The following SORCS1 variants were observed in gnomAD, a reference collection of about 807,000 sequenced individuals.
The protein encoded by SORCS1 is sortilin related VPS10 domain containing receptor 1.
In SORCS1, 60 loss-of-function variants were observed where a neutral mutation model predicts 146.1. The observed-to-expected ratio is 0.41, with a 90% CI of 0.33 to 0.51. SORCS1 has a LOEUF of 0.51. SORCS1 is among the 20% of genes least tolerant of loss of function. The probability of loss-of-function intolerance (pLI) is 0.21; values close to 1 mark genes in which losing one functional copy is unlikely to be tolerated. For synonymous variants in SORCS1, 637 were observed against 584.0 expected, an observed-to-expected ratio of 1.09 and a Z score of -1.31; for missense variants, 1,352 against 1,487.6, an observed-to-expected ratio of 0.91 and a Z score of 1.50.
chr10:106,780,214 A>G (rs114113413), intron 3 of SORCS1, among the ~76,000 whole-genome samples: 1 of 152,224 alleles, frequency 6.6e-6, no homozygotes, highest in South Asian at 2.1e-4. Flanking sequence ...CTGCTCAGAA[A>G]TATTTTCAAA....
At chr10:107,090,888 T>C (rs1442599630) in intron 1 of SORCS1, among the ~76,000 whole-genome samples, 2 of 151,716 alleles carry the variant, frequency 1.3e-5, no homozygotes, top group Non-Finnish European at 2.9e-5. Context: ...TAGAATTGAT[T>C]GTCCAATACA....
At chr10:106,994,910 C>A (rs1164454836) in intron 1 of SORCS1, among the ~76,000 whole-genome samples, 2 of 152,150 alleles carry the variant, frequency 1.3e-5, no homozygotes. Context: ...TGAATCTATC[C>A]GTTTCCTCAT....
At chr10:106,691,769 T>TTCTC (rs1166281718) in intron 9 of SORCS1, among the ~76,000 whole-genome samples, 1 of 152,162 alleles carries the variant, frequency 6.6e-6, no homozygotes, top group East Asian at 1.9e-4. Flanking sequence ...ATCCCAACAC[T>TTCTC]TCTCTGTTCT....
At chr10:106,777,496 G>C (rs1564646445) in intron 3 of SORCS1, among the ~76,000 whole-genome samples, 1 of 152,182 alleles carries the variant, frequency 6.6e-6, no homozygotes, top group Non-Finnish European at 1.5e-5. Context: ...CTGAGATATG[G>C]ATGGAAGCTT....
intron 4 of SORCS1, among the ~76,000 whole-genome samples, chr10:106,773,192 C>A (rs1860159805): frequency 6.6e-6 from 1 of 152,192 alleles, no homozygotes; most frequent in Non-Finnish European, 1.5e-5. Flanking sequence ...GTGACATTAG[C>A]AGCTGTCACA....
intron 2 of SORCS1, among the ~76,000 whole-genome samples, chr10:106,910,783 C>T (rs1355151045): frequency 6.6e-6 from 1 of 152,156 alleles, no homozygotes; most frequent in African/African-American, 2.4e-5. Flanking sequence ...GACCATGGCA[C>T]GTGCTATTGT....
In SORCS1 at chr10:106,667,596, C is replaced by A. The variant is rs1851261618; in HGVS notation, c.2303+93G>T. 9 of 822,724 alleles carry A rather than the reference C, an allele frequency of 1.1e-5. No individual in the cohort carries two copies. In the East Asian group the frequency reaches 2.4e-4, roughly 21 times the overall value. The allele number at this position is 822,724 out of a possible 1,614,324, so 51.0% of individuals were successfully genotyped here. ...TTACATTGTGCTGTAAGGAAATATG[C>A]TTGGTCCTTGATCAGAAGTAATTCT... On this transcript the variant is annotated intron_variant, in intron 17 of 25. Transcript: ENST00000263054.
chr10:106,912,405 C>G (rs1952211080), intron 2 of SORCS1, among the ~76,000 whole-genome samples: 1 of 152,044 alleles, frequency 6.6e-6, no homozygotes, highest in African/African-American at 2.4e-5. Context: ...ATGGGAAGAT[C>G]TTGTTAAAGT....
In SORCS1 at chr10:107,164,099, C is replaced by T. The variant is rs776466208; in HGVS notation, c.428G>A (p.Arg143Gln). The T allele has an allele frequency of 3.3e-5, 53 of 1,613,790 alleles. 2 individuals are homozygous for T. In the South Asian group the frequency reaches 5.7e-4, roughly 17 times the overall value. The stretch of plus-strand genomic sequence containing the variant: ...GGTGGCTTTGTCCGGGTCCCGCTCC[C>T]GAGTCCCAGGCTCCTGCTGCCCTCC... Reference protein sequence around the residue: ...RDGGQQEPGTRERDPDKATRF... With the variant: ...RDGGQQEPGTQERDPDKATRF... The change falls in exon 1 of 26, where the codon CGG becomes CAG. Residue 143 changes from arginine to glutamine, a missense_variant. Around this residue, in one of 3 missense-constraint regions of SORCS1, gnomAD observed 490 missense variants for 489.1 expected, o/e 1.00. Coordinates refer to ENST00000263054, the MANE Select transcript of SORCS1 (RefSeq NM_052918.5). The surrounding 1 kb of genome is among the most constrained non-coding windows in gnomAD (Gnocchi z 6.8).
At chr10:107,084,196 C>T (rs1487009518) in intron 1 of SORCS1, among the ~76,000 whole-genome samples, 11 of 148,576 alleles carry the variant, frequency 7.4e-5, no homozygotes, top group African/African-American at 1.5e-4. Flanking sequence ...CCTGGGTTCA[C>T]GCCACTCTCC....
intron 4 of SORCS1, among the ~76,000 whole-genome samples, chr10:106,768,066 A>G (rs1859715300): frequency 1.3e-5 from 2 of 152,212 alleles, no homozygotes; most frequent in Admixed American, 1.3e-4. Context: ...GTTTAAACAC[A>G]GTATCTAAGG....
Position 106,576,976 on chromosome 10 carries a change from A to T in SORCS1, c.*444T>A, listed in dbSNP as rs944786801. 1 of 257,580 alleles carries T rather than the reference A, an allele frequency of 3.9e-6. No individual in the cohort carries two copies. The highest frequency in any genetic ancestry group is 2.3e-5 in the African/African-American group (1 of 43,760). 16.0% of individuals were successfully genotyped at this position (257,580 alleles called of 1,614,324 possible). A position where few individuals can be genotyped will look rare whatever the true frequency, so the allele number is the denominator to read the frequency against. On this transcript the variant is annotated 3_prime_UTR_variant, in exon 26 of 26. Transcript: ENST00000263054. Reference sequence around the variant, plus strand: ...ACGACCGATCAGAAAAAAGAGAGAGAAGAAGAAAGAGGGAGAGGGGAGTGT... The same window carrying T: ...ACGACCGATCAGAAAAAAGAGAGAGTAGAAGAAAGAGGGAGAGGGGAGTGT...
chr10:106,794,494 T>A (rs548533699), intron 3 of SORCS1, among the ~76,000 whole-genome samples: 1 of 147,150 alleles, frequency 6.8e-6, no homozygotes, highest in East Asian at 1.9e-4. Context: ...TGTTTCCTTT[T>A]CTTTTTCTTT....
In SORCS1 at chr10:107,156,917, GGTT is replaced by G. The variant is rs758823279; in HGVS notation, c.558+7049_558+7051del. Among the ~76,000 whole-genome samples, 16 of 152,236 alleles carry G rather than the reference GGTT, an allele frequency of 1.1e-4. No individual in the cohort carries two copies. In the East Asian group the frequency reaches 2.3e-3, roughly 22 times the overall value. Reference sequence around the variant, plus strand: ...AGCAGTGGAATACATATGGCAGACAGGTTATTACTGGGAACCTCACTTCCAGAA... The same window carrying G: ...AGCAGTGGAATACATATGGCAGACAGATTACTGGGAACCTCACTTCCAGAA... On this transcript the variant is annotated intron_variant, in intron 1 of 25. Coordinates refer to ENST00000263054, the MANE Select transcript of SORCS1 (RefSeq NM_052918.5).
chr10:106,972,918 G>C (rs1351194289), intron 1 of SORCS1, among the ~76,000 whole-genome samples: 1 of 152,162 alleles, frequency 6.6e-6, no homozygotes, highest in Admixed American at 6.5e-5. Flanking sequence ...TGGGTAGTAT[G>C]TATTTAATCC....
At chr10:106,684,864 A>C (rs1852705813) in intron 10 of SORCS1, among the ~76,000 whole-genome samples, 1 of 152,220 alleles carries the variant, frequency 6.6e-6, no homozygotes, top group Non-Finnish European at 1.5e-5. Context: ...CCTGTAGCTC[A>C]AAGATTTTCT....
intron 1 of SORCS1, among the ~76,000 whole-genome samples, chr10:107,001,926 G>A (rs1037760849): frequency 7.9e-5 from 12 of 152,154 alleles, no homozygotes; most frequent in Admixed American, 2.0e-4. Context: ...TGAAAGAGAA[G>A]GAATTTATTA....
At chr10:106,710,297 A>G (rs1854878732) in intron 6 of SORCS1, among the ~76,000 whole-genome samples, 2 of 152,072 alleles carry the variant, frequency 1.3e-5, no homozygotes, top group African/African-American at 4.8e-5. Context: ...AAATACAAAA[A>G]TGAGCTGGGC....
rs1431593550 is a variant in SORCS1, at chr10:106,679,303, C to T, written c.1693G>A (p.Asp565Asn). 1 of 1,613,340 alleles carries T rather than the reference C, an allele frequency of 6.2e-7. No homozygotes were observed. Reference protein sequence around the residue: ...GNIGSELSDTDISMFVSSDAG... With the variant: ...GNIGSELSDTNISMFVSSDAG... ...TCTGAAGAGACAAACATGCTGATGT[C>T]AGTGTCTGACAATTCAGAACCTATA... Residue 565 changes from aspartate (D) to asparagine (N), a missense_variant, in exon 12 of 26, where the codon GAC (aspartate) becomes AAC (asparagine). Asp to Asn is a conservative substitution (Grantham distance 23, BLOSUM62 1). Coordinates refer to ENST00000263054, the MANE Select transcript of SORCS1 (RefSeq NM_052918.5).
Sources: allele counts gnomAD v4.1 joint callset (sites outside exome capture counted in the v4.1 genomes callset), GRCh38; gene constraint gnomAD v4.1.1; regional missense constraint gnomAD v4.1.1; non-coding constraint Gnocchi (gnomAD v3.1); transcripts MANE v1.5; gene names NCBI Gene and HGNC (gene_info 2026-07-23, HGNC 2026-07-21).